TENM3: variants seen among roughly 807,000 people sequenced by gnomAD.
TENM3 encodes teneurin-3.
A neutral mutation model predicts 255.1 loss-of-function variants in TENM3; 63 were observed. The observed-to-expected ratio is 0.25, with a 90% CI of 0.20 to 0.30. The LOEUF (loss-of-function observed/expected upper bound fraction) is 0.30, where lower values mean the gene tolerates loss of function less well. Ranked by LOEUF, TENM3 falls within the 10% of genes least tolerant of loss-of-function variation. The pLI is 1.00. For synonymous variants in TENM3, 1,306 were observed against 1,322.3 expected (o/e 0.99, Z 0.27); for missense variants, 2,929 against 3,461.1 (o/e 0.85, Z 3.86).
the TENM3 span, among the ~76,000 whole-genome samples, chr4:181,878,749 A>G: frequency 6.6e-6 from 1 of 151,808 alleles, no homozygotes; most frequent in African/African-American, 2.4e-5. Context: ...CTTCCCATCC[A>G]TCCATCCATG....
chr4:181,857,801 G>A, the TENM3 span, among the ~76,000 whole-genome samples: 2 of 151,996 alleles, frequency 1.3e-5, no homozygotes, highest in Non-Finnish European at 2.9e-5. Flanking sequence ...TTTTTATGCA[G>A]GTGTAATGGG....
At chr4:182,473,564 T>A (rs190279132) in intron 3 of TENM3, among the ~76,000 whole-genome samples, 3,353 of 152,134 alleles carry the variant, frequency 0.022, 70 homozygotes, top group East Asian at 0.067. Flanking sequence ...TCCCAGCTAC[T>A]CGGGAGGCTG....
chr4:182,455,655 G>A (rs1773818796), intron 3 of TENM3, among the ~76,000 whole-genome samples: 2 of 144,406 alleles, frequency 1.4e-5, no homozygotes, highest in South Asian at 2.2e-4. Flanking sequence ...TCCGCCTCCC[G>A]GGTTCAAGCG....
chr4:182,688,114 C>A, intron 11 of TENM3, 52 bp from the exon 12 acceptor site: 2 of 1,460,628 alleles, frequency 1.4e-6, no homozygotes, highest in Non-Finnish European at 9.2e-7. Context: ...AATTCCCCTT[C>A]TCTCTCCCGC....
chr4:181,610,154 A>G, the TENM3 span, among the ~76,000 whole-genome samples: 1 of 152,210 alleles, frequency 6.6e-6, no homozygotes, highest in African/African-American at 2.4e-5. Flanking sequence ...AACCACATCA[A>G]TGTTGCAGCA....
the TENM3 span, among the ~76,000 whole-genome samples, chr4:181,563,819 A>G: frequency 6.6e-6 from 1 of 152,206 alleles, no homozygotes; most frequent in Non-Finnish European, 1.5e-5. Flanking sequence ...ATGCTGAACC[A>G]TACTGTAACC....
At chr4:181,540,124 A>G in the TENM3 span, among the ~76,000 whole-genome samples, 210 of 152,268 alleles carry the variant, frequency 1.4e-3, 1 homozygote, top group Admixed American at 2.6e-3. Flanking sequence ...AGAAGAATAC[A>G]AAGACAGAAC....
the TENM3 span, among the ~76,000 whole-genome samples, chr4:181,759,031 G>A: frequency 1.3e-5 from 2 of 152,138 alleles, no homozygotes; most frequent in East Asian, 3.9e-4. Context: ...TCTTCTACCA[G>A]TAGCTCTTAA....
At chr4:181,624,791 C>A in the TENM3 span, among the ~76,000 whole-genome samples, 8 of 152,152 alleles carry the variant, frequency 5.3e-5, no homozygotes, top group Non-Finnish European at 1.0e-4. Flanking sequence ...GCTGATGATT[C>A]TTCTCTTGGA....
At chr4:182,380,529 T>A (rs1767493160) in intron 3 of TENM3, among the ~76,000 whole-genome samples, 1 of 152,156 alleles carries the variant, frequency 6.6e-6, no homozygotes, top group Admixed American at 6.5e-5. Flanking sequence ...ATATATGAAG[T>A]ATAATGCACT....
the TENM3 span, among the ~76,000 whole-genome samples, chr4:181,840,034 C>G: frequency 1.3e-5 from 2 of 152,008 alleles, no homozygotes; most frequent in Non-Finnish European, 2.9e-5. Flanking sequence ...GTATGTTATA[C>G]TTTTCCACCT....
chr4:182,440,122 T>TC (rs1772350825), intron 3 of TENM3, among the ~76,000 whole-genome samples: 1 of 150,234 alleles, frequency 6.7e-6, no homozygotes, highest in South Asian at 2.1e-4. Context: ...ACCTTTTTTT[T>TC]TTTTTTTTTT....
chr4:182,438,660 A>G (rs1408956097), intron 3 of TENM3, among the ~76,000 whole-genome samples: 1 of 152,146 alleles, frequency 6.6e-6, no homozygotes, highest in Non-Finnish European at 1.5e-5. Flanking sequence ...TTCAACATAC[A>G]CTTGTACCTA....
At position 182,347,976 on chromosome 4, in the gene TENM3, T is replaced by A. The variant is rs566351543; in HGVS notation, c.511+1047T>A. On this transcript the variant is annotated intron_variant, in intron 3 of 27. Transcript: ENST00000511685. ...GGGTGACTTTGTCAGCTTTGCTTTG[T>A]AATAGGAAAGCGGATCTATTGTTAG... 2.0e-5 allele frequency among the ~76,000 whole-genome samples: 3 copies of A among 152,372 alleles called. 1 individual carries two copies. Among genetic ancestry groups the A allele is most frequent in the Non-Finnish European group, 4.4e-5 (3 of 68,038 alleles).
intron 1 of TENM3, among the ~76,000 whole-genome samples, chr4:182,321,720 C>T (rs541224357): frequency 2.5e-4 from 38 of 151,776 alleles, no homozygotes; most frequent in Admixed American, 1.1e-3. Flanking sequence ...CTGAAGTGGG[C>T]GGATCACGAG....
At chr4:181,838,929 A>T in the TENM3 span, among the ~76,000 whole-genome samples, 1 of 151,346 alleles carries the variant, frequency 6.6e-6, no homozygotes, top group African/African-American at 2.4e-5. Context: ...TATTTTTGTA[A>T]CTTCTTAAAA....
chr4:181,639,999 T>C, the TENM3 span, among the ~76,000 whole-genome samples: 12 of 152,270 alleles, frequency 7.9e-5, no homozygotes, highest in East Asian at 2.1e-3. Flanking sequence ...TACATTTATC[T>C]CCATAATAAT....
At chr4:182,681,212 G>GT (rs991416819) in intron 10 of TENM3, among the ~76,000 whole-genome samples, 6 of 152,042 alleles carry the variant, frequency 3.9e-5, no homozygotes, top group African/African-American at 1.4e-4. Flanking sequence ...CAGGTGAATT[G>GT]TTTTTTCAGA....
At chr4:181,466,079 G>T in the TENM3 span, among the ~76,000 whole-genome samples, 1 of 151,146 alleles carries the variant, frequency 6.6e-6, no homozygotes, top group East Asian at 1.9e-4. Flanking sequence ...GGTGGATAAT[G>T]CCTATGTGGA....
Sources: gnomAD v4.1 joint callset for allele counts (sites outside exome capture counted in the v4.1 genomes callset) on GRCh38, gnomAD v4.1.1 for gene constraint, MANE v1.5 for transcripts, NCBI Gene and HGNC (gene_info 2026-07-23, HGNC 2026-07-21) for gene names.